The following ATAD1 variants were observed in gnomAD, a reference collection of about 807,000 sequenced individuals.
ATAD1 encodes outer mitochondrial transmembrane helix translocase.
A neutral mutation model predicts 42.7 loss-of-function variants in ATAD1; 18 were observed. The ratio of observed to expected loss-of-function variants is 0.42; its 90% confidence interval spans 0.29 to 0.63. ATAD1 has a LOEUF of 0.63. Among genes scored for constraint, ATAD1 ranks in the 20% least tolerant of loss-of-function variants. The pLI is 0.19. For missense variants in ATAD1, 294 were observed against 440.4 expected, an observed-to-expected ratio of 0.67 and a Z score of 2.98; for synonymous variants, 132 against 143.1, an observed-to-expected ratio of 0.92 and a Z score of 0.55.
At chr10:87,795,160 T>C (rs1238595473) in intron 2 of ATAD1, among the ~76,000 whole-genome samples, 1 of 152,160 alleles carries the variant, frequency 6.6e-6, no homozygotes, top group Non-Finnish European at 1.5e-5. Flanking sequence ...AGAGCTCAAA[T>C]ACTGATTTGT....
upstream of ATAD1, among the ~76,000 whole-genome samples, chr10:87,820,074 G>T (rs902348485): frequency 6.6e-6 from 1 of 152,066 alleles, no homozygotes; most frequent in African/African-American, 2.4e-5. Context: ...ATTATGAGAC[G>T]AGGACAATGT....
chr10:87,809,942 G>A lies in ATAD1; in HGVS notation c.162+4496C>T, dbSNP rs73352882. ...ATTACAGGTGTAAGCCACCGTGCCC[G>A]GCCCTTGTTTTTAATATCTACAGCA... On this transcript the variant is annotated intron_variant, in intron 2 of 9. Transcript: ENST00000680024. 5.8e-3 allele frequency among the ~76,000 whole-genome samples: 876 copies of A among 152,062 alleles called. 7 individuals are homozygous for A. The highest frequency in any genetic ancestry group is 0.02 in the African/African-American group (843 of 41,450).
chr10:87,782,816 G>A (rs754735646), intron 5 of ATAD1, among the ~76,000 whole-genome samples: 17 of 151,950 alleles, frequency 1.1e-4, no homozygotes, highest in South Asian at 2.1e-4. Context: ...AGGCAACATA[G>A]TGAGACTTCG....
chr10:87,824,349 C>CG (rs1461459909), intron 1 of ATAD1, among the ~76,000 whole-genome samples: 1 of 152,110 alleles, frequency 6.6e-6, no homozygotes, highest in African/African-American at 2.4e-5. Context: ...CTAGTCCAAT[C>CG]GGGGAGTCTT....
intron 1 of ATAD1, among the ~76,000 whole-genome samples, chr10:87,833,585 A>G (rs1190217731): frequency 1.3e-5 from 2 of 152,098 alleles, no homozygotes; most frequent in Non-Finnish European, 2.9e-5. Flanking sequence ...CACATAATAT[A>G]TTAGATGTTG....
chr10:87,771,824 G>A (rs1855045864), intron 6 of ATAD1, among the ~76,000 whole-genome samples: 2 of 151,460 alleles, frequency 1.3e-5, no homozygotes, highest in South Asian at 4.2e-4. Flanking sequence ...GTTAATTTCT[G>A]AAGGACATCA....
Position 87,782,976 on chromosome 10 carries a change from C to T in ATAD1, c.583+1494G>A, listed in dbSNP as rs1023076895. Among the ~76,000 whole-genome samples, 6 of 147,868 alleles carry T rather than the reference C, an allele frequency of 4.1e-5. No individual in the cohort carries two copies. The South Asian group carries it at 6.4e-4, about 16-fold the overall frequency. Reference sequence around the variant, plus strand: ...TTGTGCCACTGCAATCCAGCCATGACAGAGCGTGAAAAAAAAAAAAAGAAA... The same window carrying T: ...TTGTGCCACTGCAATCCAGCCATGATAGAGCGTGAAAAAAAAAAAAAGAAA... On this transcript the variant is annotated intron_variant, in intron 5 of 9. Coordinates refer to ENST00000680024, the MANE Select transcript of ATAD1 (RefSeq NM_001321967.2).
chr10:87,819,525 C>T (rs1327369245), upstream of ATAD1, among the ~76,000 whole-genome samples: 1 of 152,102 alleles, frequency 6.6e-6, no homozygotes, highest in African/African-American at 2.4e-5. Flanking sequence ...GAAGATAATA[C>T]CTAGTTAATG....
intron 1 of ATAD1, among the ~76,000 whole-genome samples, chr10:87,826,975 A>C (rs549681547): frequency 6.6e-6 from 1 of 152,340 alleles, no homozygotes; most frequent in South Asian, 2.1e-4. Context: ...ATTCTACAGG[A>C]AGATGGGGTC....
chr10:87,764,029 C>G (rs1336757959), intron 8 of ATAD1, among the ~76,000 whole-genome samples: 1 of 152,076 alleles, frequency 6.6e-6, no homozygotes, highest in Non-Finnish European at 1.5e-5. Flanking sequence ...GATATTAAAA[C>G]TTACAAAGCC....
At chr10:87,792,322 T>C (rs180811103) in intron 3 of ATAD1, among the ~76,000 whole-genome samples, 72 of 152,288 alleles carry the variant, frequency 4.7e-4, no homozygotes, top group Admixed American at 1.3e-3. Flanking sequence ...CCAATAAATA[T>C]GTTGGGGACT....
At chr10:87,836,924 T>C (rs182075786) in intron 1 of ATAD1, among the ~76,000 whole-genome samples, 5 of 152,338 alleles carry the variant, frequency 3.3e-5, no homozygotes, top group Admixed American at 3.3e-4. Flanking sequence ...ATCTTCAAAT[T>C]CACTGACTGT....
intron 8 of ATAD1, among the ~76,000 whole-genome samples, chr10:87,763,020 G>A (rs1262210924): frequency 7.2e-6 from 1 of 138,798 alleles, no homozygotes; most frequent in African/African-American, 2.7e-5. Context: ...GGTGAAAGTT[G>A]CAGTGAGCCA....
At chr10:87,779,646 T>C (rs1442849481) in intron 5 of ATAD1, among the ~76,000 whole-genome samples, 1 of 152,176 alleles carries the variant, frequency 6.6e-6, no homozygotes, top group Non-Finnish European at 1.5e-5. Flanking sequence ...TTACAATTGT[T>C]TCAAAATGGG....
intron 2 of ATAD1, among the ~76,000 whole-genome samples, chr10:87,802,585 C>T (rs1340543357): frequency 2.0e-5 from 3 of 151,220 alleles, no homozygotes; most frequent in East Asian, 3.9e-4. Flanking sequence ...GCAGGCAGAT[C>T]ACCCCCGAGA....
intron 2 of ATAD1, among the ~76,000 whole-genome samples, chr10:87,808,047 CT>C (rs1189780669): frequency 1.3e-5 from 2 of 152,042 alleles, no homozygotes; most frequent in South Asian, 2.1e-4. Flanking sequence ...CTATATAATG[CT>C]TTTTTTAAAT....
intron 8 of ATAD1, among the ~76,000 whole-genome samples, chr10:87,758,890 T>C (rs2131760298): frequency 6.6e-6 from 1 of 152,320 alleles, no homozygotes; most frequent in Middle Eastern, 3.4e-3. Context: ...TTTTAACTTA[T>C]GTCTCATGTA....
In ATAD1 at chr10:87,771,011, G is replaced by C. The variant is rs1201929143; in HGVS notation, c.721C>G (p.Gln241Glu). 1 of 1,613,362 alleles carries C rather than the reference G, an allele frequency of 6.2e-7. No individual in the cohort carries two copies. The highest frequency in any genetic ancestry group is 8.5e-7 in the Non-Finnish European group (1 of 1,179,648). ...CTCATTATAGCCGAGTCAAGGTCCT[G>C]AGGACGATTGGTAGCTCCCATTACT... ...VIVMGATNRP[Q>E]DLDSAIMRRM... Residue 241 changes from glutamine to glutamate, a missense_variant, in exon 7 of 10, where the codon CAG becomes GAG. Coordinates refer to ENST00000680024, the MANE Select transcript of ATAD1 (RefSeq NM_001321967.2).
At chr10:87,755,500 TAC>T (rs1239771394) in intron 9 of ATAD1, among the ~76,000 whole-genome samples, 168 of 152,286 alleles carry the variant, frequency 1.1e-3, no homozygotes, top group African/African-American at 3.9e-3. Flanking sequence ...CATACTGAAA[TAC>T]AGTTTTCAGG....
Sources: gnomAD v4.1 joint callset for allele counts (sites outside exome capture counted in the v4.1 genomes callset) on GRCh38, gnomAD v4.1.1 for gene constraint, MANE v1.5 for transcripts, NCBI Gene and HGNC (gene_info 2026-07-23, HGNC 2026-07-21) for gene names.